The following TARS3 variants were observed in gnomAD, a reference collection of about 807,000 sequenced individuals.
TARS3 encodes the protein threonyl-tRNA synthetase 3.
A neutral mutation model predicts 103.5 loss-of-function variants in TARS3; 94 were observed. The observed-to-expected ratio is 0.91, with a 90% CI of 0.77 to 1.08. The LOEUF (loss-of-function observed/expected upper bound fraction) is 1.08. TARS3 is among the 50% of genes least tolerant of loss of function. The probability of loss-of-function intolerance (pLI) is 0.00; values close to 1 mark genes in which losing one functional copy is unlikely to be tolerated. For missense variants in TARS3, 952 were observed against 995.2 expected, an observed-to-expected ratio of 0.96 and a Z score of 0.58; for synonymous variants, 416 against 355.4, an observed-to-expected ratio of 1.17 and a Z score of -1.92.
At chr15:101,675,791 TTA>T in intron 12 of TARS3, 54 bp from the exon 13 acceptor site, 1 of 1,538,248 alleles carries the variant, frequency 6.5e-7, no homozygotes, top group Admixed American at 1.8e-5. Context: ...CATTTATGTT[TTA>T]AAAAATACAA....
intron 2 of TARS3, among the ~76,000 whole-genome samples, 162 bp downstream of exon 2, chr15:101,722,931 A>G (rs1900561164): frequency 6.6e-6 from 1 of 152,196 alleles, no homozygotes. Context: ...CTCATTTCTC[A>G]AGACATCTCA....
At chr15:101,699,334 A>G (rs1567344798) in intron 10 of TARS3, 4 of 453,190 alleles carry the variant, frequency 8.8e-6, no homozygotes, top group Non-Finnish European at 1.8e-5. Context: ...CCCTTACCTT[A>G]GAATAAGAGA....
chr15:101,660,115 T>C (rs1388022202), intron 16 of TARS3, among the ~76,000 whole-genome samples: 4 of 152,214 alleles, frequency 2.6e-5, no homozygotes, highest in Non-Finnish European at 4.4e-5. Flanking sequence ...TTGGAGGAAC[T>C]GGTTGCAGTG....
At chr15:101,694,148 C>T (rs77551507) in intron 10 of TARS3, among the ~76,000 whole-genome samples, 1,906 of 152,318 alleles carry the variant, frequency 0.013, 34 homozygotes, top group African/African-American at 0.042. Context: ...GTTGTCCACA[C>T]AGTCAGTAAC....
intron 3 of TARS3, among the ~76,000 whole-genome samples, chr15:101,717,994 T>C (rs917841862): frequency 6.6e-6 from 1 of 152,222 alleles, no homozygotes; most frequent in African/African-American, 2.4e-5. Context: ...ACCTTTGTGA[T>C]AGTATATCAA....
chr15:101,675,955 T>C (rs1262192324), intron 12 of TARS3, among the ~76,000 whole-genome samples: 4 of 146,976 alleles, frequency 2.7e-5, no homozygotes, highest in Admixed American at 2.7e-4. Flanking sequence ...AACCGTACTG[T>C]GAAAAGGCAG....
intron 9 of TARS3, among the ~76,000 whole-genome samples, chr15:101,701,530 T>A (rs8027461): frequency 2.0e-5 from 3 of 152,144 alleles, no homozygotes; most frequent in African/African-American, 7.2e-5. Context: ...TCATGGCTGC[T>A]GCCTACTGAG....
chr15:101,679,113 A>G (rs1178396268), intron 12 of TARS3, among the ~76,000 whole-genome samples: 2 of 152,058 alleles, frequency 1.3e-5, no homozygotes, highest in African/African-American at 2.4e-5. Context: ...ACTATGATAT[A>G]TCTTGGTGTA....
intron 13 of TARS3, among the ~76,000 whole-genome samples, chr15:101,674,453 C>T (rs1156669818): frequency 1.3e-5 from 2 of 152,182 alleles, no homozygotes; most frequent in Non-Finnish European, 2.9e-5. Flanking sequence ...GAAGAAGGAA[C>T]AAGAAATTCA....
chr15:101,702,846 T>C (rs1250675201), intron 8 of TARS3, among the ~76,000 whole-genome samples: 1 of 152,240 alleles, frequency 6.6e-6, no homozygotes, highest in Non-Finnish European at 1.5e-5. Context: ...AATCTTAAAA[T>C]GGATTCTAAC....
chr15:101,700,130 A>G (rs1031207839), intron 10 of TARS3, among the ~76,000 whole-genome samples: 1 of 152,216 alleles, frequency 6.6e-6, no homozygotes, highest in African/African-American at 2.4e-5. Flanking sequence ...AATTAGTGGT[A>G]GGCACATAAA....
chr15:101,721,020 G>T, intron 3 of TARS3, 106 bp downstream of exon 3: 1 of 903,908 alleles, frequency 1.1e-6, no homozygotes, highest in Non-Finnish European at 1.7e-6. Context: ...TGTCCTTTTA[G>T]TATCGTGAGA....
intron 10 of TARS3, among the ~76,000 whole-genome samples, chr15:101,687,846 C>G (rs1898541040): frequency 6.6e-6 from 1 of 152,076 alleles, no homozygotes; most frequent in South Asian, 2.1e-4. Flanking sequence ...TCGCAGAGAG[C>G]TCTCTGGTCC....
chr15:101,674,414 TCTATC>T (rs1360981187), intron 13 of TARS3, among the ~76,000 whole-genome samples: 1 of 152,202 alleles, frequency 6.6e-6, no homozygotes, highest in Non-Finnish European at 1.5e-5. Flanking sequence ...AAAAAAATCT[TCTATC>T]CATTGGGTAA....
intron 4 of TARS3, 56 bp downstream of exon 4, chr15:101,714,784 A>C: frequency 6.4e-7 from 1 of 1,558,416 alleles, no homozygotes; most frequent in Non-Finnish European, 8.7e-7. Flanking sequence ...CTCTTATATA[A>C]TGTAGTTTAC....
At chr15:101,655,846 C>T (rs986391267) in intron 18 of TARS3, 42 of 1,266,832 alleles carry the variant, frequency 3.3e-5, no homozygotes, top group East Asian at 1.1e-4. Context: ...TACAGGCTCA[C>T]GCTGACTCCA....
chr15:101,723,611 A>T (rs569435726), intron 1 of TARS3, among the ~76,000 whole-genome samples: 1 of 152,350 alleles, frequency 6.6e-6, no homozygotes, highest in African/African-American at 2.4e-5. Context: ...TGTATTAAAT[A>T]AAAATGTTAA....
intron 3 of TARS3, among the ~76,000 whole-genome samples, chr15:101,717,770 C>T (rs1033636519): frequency 3.9e-5 from 6 of 152,220 alleles, no homozygotes; most frequent in African/African-American, 1.4e-4. Flanking sequence ...GTCAACCTGG[C>T]CACCCACGTC....
chr15:101,702,574 C>T (rs1043899473), intron 8 of TARS3, among the ~76,000 whole-genome samples, 189 bp from the exon 9 acceptor site: 7 of 152,036 alleles, frequency 4.6e-5, no homozygotes, highest in Non-Finnish European at 8.8e-5. Context: ...GTTTGAGACT[C>T]GCCTGGACAA....
Sources: gnomAD v4.1 joint callset for allele counts (sites outside exome capture counted in the v4.1 genomes callset) on GRCh38, gnomAD v4.1.1 for gene constraint, MANE v1.5 for transcripts, NCBI Gene and HGNC (gene_info 2026-07-23, HGNC 2026-07-21) for gene names.